The following DGUOK variants were observed in gnomAD, a reference collection of about 807,000 sequenced individuals.
DGUOK encodes the protein deoxyguanosine kinase, mitochondrial.
DGUOK carries 30 observed loss-of-function variants against 36.6 expected under a neutral mutation model. The observed-to-expected ratio is 0.82, with a 90% confidence interval of 0.61 to 1.11. DGUOK has a LOEUF of 1.11. Among genes scored for constraint, DGUOK ranks in the 50% most tolerant of loss-of-function variants. DGUOK has a pLI of 0.00. For missense variants in DGUOK, 361 were observed against 336.4 expected, an observed-to-expected ratio of 1.07 and a Z score of -0.57; for synonymous variants, 145 against 126.3, an observed-to-expected ratio of 1.15 and a Z score of -0.99.
intron 5 of DGUOK, 48 bp from the exon 6 acceptor site, chr2:73,958,098 A>T (rs369947103): frequency 1.5e-5 from 22 of 1,480,422 alleles, no homozygotes; most frequent in Non-Finnish European, 2.0e-5. Context: ...ACTTGACTCA[A>T]GTTACATTTC....
intron 1 of DGUOK, among the ~76,000 whole-genome samples, chr2:73,927,723 AGAGT>A (rs1298024581): frequency 6.6e-6 from 1 of 152,256 alleles, no homozygotes; most frequent in African/African-American, 2.4e-5. Flanking sequence ...TTTTGTTAAA[AGAGT>A]GAGATCCAGT....
chr2:73,954,392 G>A (rs1040798521), intron 4 of DGUOK, among the ~76,000 whole-genome samples: 8 of 151,900 alleles, frequency 5.3e-5, no homozygotes, highest in African/African-American at 9.7e-5. Context: ...AACTCAGGCC[G>A]GGCACGGTGA....
At chr2:73,933,527 G>A (rs1023076933) in intron 1 of DGUOK, among the ~76,000 whole-genome samples, 13 of 152,180 alleles carry the variant, frequency 8.5e-5, no homozygotes, top group African/African-American at 3.1e-4. Flanking sequence ...AAGGCGGGAG[G>A]AGGGGATGTC....
At chr2:73,938,105 A>G (rs1006326867) in intron 1 of DGUOK, among the ~76,000 whole-genome samples, 1 of 152,116 alleles carries the variant, frequency 6.6e-6, no homozygotes, top group African/African-American at 2.4e-5. Context: ...ATGTTGAGCC[A>G]CTTCTCCATC....
intron 1 of DGUOK, among the ~76,000 whole-genome samples, chr2:73,935,306 C>T (rs1681375850): frequency 6.6e-6 from 1 of 152,148 alleles, no homozygotes; most frequent in African/African-American, 2.4e-5. Context: ...ATAGTGATAT[C>T]ATAAGAGATT....
chr2:73,952,918 T>A (rs1218878594), intron 4 of DGUOK, among the ~76,000 whole-genome samples: 1 of 152,112 alleles, frequency 6.6e-6, no homozygotes, highest in Non-Finnish European at 1.5e-5. Flanking sequence ...TGGCTCACAG[T>A]TATGGAGACT....
chr2:73,930,285 G>C (rs1286897655), intron 1 of DGUOK, among the ~76,000 whole-genome samples: 1 of 152,188 alleles, frequency 6.6e-6, no homozygotes, highest in African/African-American at 2.4e-5. Context: ...CAAGAGAAAT[G>C]TTGAATTACT....
intron 1 of DGUOK, among the ~76,000 whole-genome samples, chr2:73,937,131 C>G (rs1482161377): frequency 6.6e-6 from 1 of 152,230 alleles, no homozygotes; most frequent in East Asian, 1.9e-4. Flanking sequence ...CTTCTTGTGT[C>G]TTGCAGACCA....
intron 3 of DGUOK, among the ~76,000 whole-genome samples, chr2:73,950,358 C>A (rs547255267): frequency 6.6e-6 from 1 of 152,262 alleles, no homozygotes; most frequent in East Asian, 1.9e-4. Flanking sequence ...GTGATTTCAG[C>A]CTCCAAAGTC....
At chr2:73,955,778 G>A (rs949729721) in intron 4 of DGUOK, among the ~76,000 whole-genome samples, 1 of 152,086 alleles carries the variant, frequency 6.6e-6, no homozygotes, top group African/African-American at 2.4e-5. Context: ...AGAGGCTGAG[G>A]CAAGAGAATC....
At chr2:73,939,066 T>G (rs1681705315) in intron 2 of DGUOK, 44 bp downstream of exon 2, 1 of 1,255,238 alleles carries the variant, frequency 8.0e-7, no homozygotes, top group South Asian at 1.2e-5. Context: ...CATGGGTGAA[T>G]AATCTAATTG....
chr2:73,939,091 A>G, intron 2 of DGUOK, 69 bp downstream of exon 2: 1 of 1,067,342 alleles, frequency 9.4e-7, no homozygotes, highest in South Asian at 1.3e-5. Context: ...AATTTAATTT[A>G]CTCTCAGTGA....
intron 2 of DGUOK, among the ~76,000 whole-genome samples, chr2:73,946,070 A>AAAAAAG (rs56231941): frequency 4.9e-5 from 7 of 142,982 alleles, no homozygotes; most frequent in African/African-American, 1.3e-4. Flanking sequence ...AAAAAAAAAA[A>AAAAAAG]AATCCGGGGC....
chr2:73,957,135 A>G lies in DGUOK; in HGVS notation c.602A>G (p.Lys201Arg), dbSNP rs758857130. Residue 201 changes from lysine to arginine, a missense_variant, in exon 5 of 7, where the codon AAG becomes AGG. Coordinates refer to ENST00000264093, the MANE Select transcript of DGUOK (RefSeq NM_080916.3). ...YLQASPQVCL[K>R]RLYQRAREEE... ...GGGACTGTCTTTTAGGTTTGTTTGA[A>G]GAGACTGTACCAGAGGGCCAGGGAG... The G allele has an allele frequency of 1.2e-6, 2 of 1,613,844 alleles. No homozygotes were observed. The highest frequency in any genetic ancestry group is 2.2e-5 in the East Asian group (1 of 44,884).
In DGUOK at chr2:73,941,593, T is replaced by C. The variant is rs1019636756; in HGVS notation, c.255+2571T>C. ...ACAAGATCTCCCTTTCACAGTGATA[T>C]CATTTTAATGGTTGTAGTGTACTGC... On this transcript the variant is annotated intron_variant, in intron 2 of 6. Coordinates refer to ENST00000264093, the MANE Select transcript of DGUOK (RefSeq NM_080916.3). Among the ~76,000 whole-genome samples the C allele has an allele frequency of 3.9e-5, 6 of 152,346 alleles. No individual in the cohort carries two copies. In the East Asian group the frequency reaches 9.6e-4, roughly 24 times the overall value.
chr2:73,941,636 A>G (rs891691794), intron 2 of DGUOK, among the ~76,000 whole-genome samples: 2 of 152,152 alleles, frequency 1.3e-5, no homozygotes, highest in Non-Finnish European at 2.9e-5. Flanking sequence ...GAATATTATC[A>G]TTTAGTTATC....
At chr2:73,957,820 A>G (rs1573584911) in intron 5 of DGUOK, 1 of 354,386 alleles carries the variant, frequency 2.8e-6, no homozygotes, top group East Asian at 7.3e-5. Context: ...AGGGCTGAAA[A>G]TGTTAGAGAA....
intron 2 of DGUOK, among the ~76,000 whole-genome samples, chr2:73,944,614 C>T (rs1682151682): frequency 1.3e-5 from 2 of 152,138 alleles, no homozygotes; most frequent in Non-Finnish European, 2.9e-5. Flanking sequence ...AATTATTGTT[C>T]ATCTGTTTGC....
intron 4 of DGUOK, among the ~76,000 whole-genome samples, chr2:73,954,228 C>T (rs1453624905): frequency 6.6e-6 from 1 of 152,114 alleles, no homozygotes; most frequent in Non-Finnish European, 1.5e-5. Context: ...TCTGTATTCC[C>T]AGCTACTCAG....
Sources: gnomAD v4.1 joint callset for allele counts (sites outside exome capture counted in the v4.1 genomes callset) on GRCh38, gnomAD v4.1.1 for gene constraint, MANE v1.5 for transcripts, NCBI Gene and HGNC (gene_info 2026-07-23, HGNC 2026-07-21) for gene names.